Variants in COMMD5 observed in about 807,000 individuals in gnomAD.
COMMD5 encodes the protein COMM domain-containing protein 5.
A neutral mutation model predicts 6.9 loss-of-function variants in COMMD5; 10 were observed. The ratio of observed to expected loss-of-function variants is 1.44; its 90% confidence interval spans 0.89 to 2.45. The LOEUF (loss-of-function observed/expected upper bound fraction) is 2.45, where lower values mean the gene tolerates loss of function less well. Among genes scored for constraint, COMMD5 ranks in the 30% most tolerant of loss-of-function variants. COMMD5 has a pLI of 0.00. For missense variants in COMMD5, 234 were observed against 287.8 expected (o/e 0.81, Z 1.35); for synonymous variants, 127 against 125.3 (o/e 1.01, Z -0.09).
chr8:144,840,881 G>A (rs528139357), downstream of COMMD5, among the ~76,000 whole-genome samples: 9 of 152,290 alleles, frequency 5.9e-5, no homozygotes, highest in South Asian at 2.1e-4. Context: ...CTGAGCTCAC[G>A]TAGTAAGTCC....
At chr8:144,843,404 A>AT (rs780796625) in intron 1 of COMMD5, 43 of 417,692 alleles carry the variant, frequency 1.0e-4, no homozygotes, top group Middle Eastern at 6.3e-4. Context: ...CCTGGGTAAC[A>AT]GGTGAAACCC....
At chr8:144,839,307 G>A (rs560409390), downstream of COMMD5, among the ~76,000 whole-genome samples, 4 of 152,344 alleles carry the variant, frequency 2.6e-5, no homozygotes, top group Admixed American at 2.0e-4. Context: ...CCTTGCAGCC[G>A]CCCAGGAAGT....
At chr8:144,847,361 G>T, downstream of COMMD5, 1 of 152,276 alleles carries the variant, frequency 6.6e-6, no homozygotes, top group South Asian at 2.1e-4. Flanking sequence ...AGGATCACGT[G>T]ACCCCAGGAG....
At chr8:144,838,097 C>G (rs1192226972), downstream of COMMD5, 3 of 702,898 alleles carry the variant, frequency 4.3e-6, no homozygotes, top group Non-Finnish European at 7.8e-6. Context: ...TGTCCTGCCT[C>G]TCCGGGCAGC....
At chr8:144,848,712 T>C (rs1188054281), downstream of COMMD5, among the ~76,000 whole-genome samples, 1 of 152,106 alleles carries the variant, frequency 6.6e-6, no homozygotes, top group Non-Finnish European at 1.5e-5. Context: ...GGATCTCAAG[T>C]CCAACTGGAT....
downstream of COMMD5, among the ~76,000 whole-genome samples, chr8:144,840,610 C>G (rs749218594): frequency 3.3e-5 from 5 of 152,160 alleles, no homozygotes; most frequent in Non-Finnish European, 5.9e-5. Flanking sequence ...CAGAGTAGGA[C>G]AGAAGCCTGT....
At chr8:144,845,470 G>A (rs992028005), downstream of COMMD5, among the ~76,000 whole-genome samples, 1 of 152,160 alleles carries the variant, frequency 6.6e-6, no homozygotes, top group South Asian at 2.1e-4. Flanking sequence ...GGAACATGGA[G>A]GGAGGCGTGG....
intron 1 of COMMD5, among the ~76,000 whole-genome samples, chr8:144,844,363 CTTTT>C (rs947620627): frequency 1.7e-4 from 26 of 151,956 alleles, no homozygotes; most frequent in African/African-American, 5.3e-4. Context: ...AGTTGCCCCA[CTTTT>C]TTTTGGTAGG....
rs775199600 is a variant in COMMD5 at position 144,850,964 on chromosome 8, G to A, written c.375C>T (p.Asp125=). 1.2e-6 allele frequency: 2 copies of A among 1,610,572 alleles called. No individual in the cohort carries two copies. The highest frequency in any genetic ancestry group is 1.7e-6 in the Non-Finnish European group (2 of 1,179,012). Residue 125 remains aspartate, a synonymous_variant, in exon 2 of 2, where the codon GAC becomes GAT. Transcript: ENST00000305103. The surrounding 1 kb of genome is among the most constrained non-coding windows in gnomAD (Gnocchi z 4.0). ...GGCTCCCAAATACCACGCTGGCCAA[G>A]TCCCCGACCAGGTCTTGGGGGATGC... is the stretch of plus-strand genomic sequence containing the variant. The part of the protein sequence containing the change: ...ELCIPQDLVG[D]LASVVFGSQR...
At chr8:144,846,343 A>G (rs1830510153), downstream of COMMD5, 1 of 653,900 alleles carries the variant, frequency 1.5e-6, no homozygotes, top group Non-Finnish European at 2.5e-6. Context: ...AGCTTTTTAC[A>G]TTTCTGAATG....
intron 1 of COMMD5, chr8:144,842,970 TG>T: frequency 6.2e-7 from 1 of 1,614,192 alleles, no homozygotes; most frequent in Non-Finnish European, 8.5e-7. Flanking sequence ...GGTCCACCTT[TG>T]TGAGCCGTAA....
At chr8:144,841,295 A>T in exon 2 of COMMD5, 1 of 1,507,758 alleles carries the variant, frequency 6.6e-7, no homozygotes, top group Non-Finnish European at 8.9e-7. Flanking sequence ...CCGCATTTGT[A>T]GTCTTATCAT....
At chr8:144,853,099 C>T (rs948040318), upstream of COMMD5, 29 of 152,406 alleles carry the variant, frequency 1.9e-4, no homozygotes, top group African/African-American at 7.0e-4. Context: ...ATGACCGCCC[C>T]ACTGTGGTCC....
chr8:144,841,091 G>C, exon 2 of COMMD5: 1 of 458,058 alleles, frequency 2.2e-6, no homozygotes, highest in Non-Finnish European at 3.9e-6. Context: ...AGTGCCTGTA[G>C]GATGGACCTC....
intron 1 of COMMD5, among the ~76,000 whole-genome samples, chr8:144,843,960 C>T (rs1830328781): frequency 6.6e-6 from 1 of 152,172 alleles, no homozygotes; most frequent in Non-Finnish European, 1.5e-5. Flanking sequence ...GAGGGCCCAG[C>T]CCTATCCCCT....
downstream of COMMD5, chr8:144,845,978 G>T: frequency 1.3e-6 from 2 of 1,536,448 alleles, no homozygotes; most frequent in Non-Finnish European, 1.7e-6. Context: ...CTCTACTTCA[G>T]GCTTTCTGGG....
downstream of COMMD5, chr8:144,846,164 A>G: frequency 6.5e-7 from 1 of 1,536,160 alleles, no homozygotes; most frequent in Non-Finnish European, 8.7e-7. Flanking sequence ...AACGTCAGCC[A>G]TATGGATGGT....
chr8:144,839,801 G>A (rs1346274330), downstream of COMMD5, among the ~76,000 whole-genome samples: 1 of 152,184 alleles, frequency 6.6e-6, no homozygotes, highest in Non-Finnish European at 1.5e-5. Context: ...TATTGGCCCA[G>A]AGCAGTGGAG....
At chr8:144,846,488 T>C (rs1191638292), downstream of COMMD5, 1 of 274,348 alleles carries the variant, frequency 3.6e-6, no homozygotes, top group Non-Finnish European at 7.0e-6. Flanking sequence ...GCTGCAGCAG[T>C]GTTTACCACA....
Sources: gnomAD v4.1 joint callset for allele counts (sites outside exome capture counted in the v4.1 genomes callset) on GRCh38, gnomAD v4.1.1 for gene constraint, Gnocchi (gnomAD v3.1) non-coding constraint, MANE v1.5 for transcripts, NCBI Gene and HGNC (gene_info 2026-07-23, HGNC 2026-07-21) for gene names.